SORCS1: variants seen among roughly 807,000 people sequenced by gnomAD.
The protein encoded by SORCS1 is VPS10 domain-containing receptor SorCS1.
Under a neutral mutation model 146.1 loss-of-function variants are expected in SORCS1, and 60 were observed. The observed-to-expected ratio is 0.41, with a 90% CI of 0.33 to 0.51. SORCS1 has a LOEUF of 0.51. SORCS1 is among the 20% of genes least tolerant of loss of function. The probability of loss-of-function intolerance (pLI) is 0.21; values close to 1 mark genes in which losing one functional copy is unlikely to be tolerated. For missense variants in SORCS1, 1,352 were observed against 1,487.6 expected (o/e 0.91, Z 1.50); for synonymous variants, 637 against 584.0 (o/e 1.09, Z -1.31).
At chr10:106,706,940 C>CA (rs1027941705) in intron 7 of SORCS1, among the ~76,000 whole-genome samples, 1 of 152,162 alleles carries the variant, frequency 6.6e-6, no homozygotes, top group African/African-American at 2.4e-5. Flanking sequence ...ATTGCCATCA[C>CA]CAGCCCAGGT....
At position 106,958,732 on chromosome 10, in the gene SORCS1, A is replaced by ACCTCATGC. The variant is rs1414154654; in HGVS notation, c.559-2153_559-2152insGCATGAGG. On this transcript the variant is annotated intron_variant, in intron 1 of 25. Coordinates refer to ENST00000263054, the MANE Select transcript of SORCS1 (RefSeq NM_052918.5). ...GTGAGGTGCGGGGCACCCCATGGACACATCAGATGGCATGCCTGTGGTGGG... is the reference window on the plus strand; with the variant it reads ...GTGAGGTGCGGGGCACCCCATGGACACCTCATGCCATCAGATGGCATGCCTGTGGTGGG... 2.5e-3 allele frequency among the ~76,000 whole-genome samples: 383 copies of ACCTCATGC among 152,286 alleles called. 2 individuals are homozygous for ACCTCATGC. The highest frequency in any genetic ancestry group is 8.8e-3 in the African/African-American group (365 of 41,554).
chr10:106,581,318 T>TAC (rs201071933), intron 24 of SORCS1, among the ~76,000 whole-genome samples: 3,424 of 125,720 alleles, frequency 0.027, 48 homozygotes, highest in Middle Eastern at 0.05. Context: ...TGAATCGTCA[T>TAC]ACATACACAC....
At chr10:106,769,712 A>G (rs1213094706) in intron 4 of SORCS1, among the ~76,000 whole-genome samples, 1 of 152,198 alleles carries the variant, frequency 6.6e-6, no homozygotes, top group Non-Finnish European at 1.5e-5. Flanking sequence ...GCTGTTCATC[A>G]CATTGGCAGT....
intron 1 of SORCS1, among the ~76,000 whole-genome samples, chr10:107,105,634 G>T (rs1167218385): frequency 1.3e-5 from 2 of 152,202 alleles, no homozygotes; most frequent in Admixed American, 1.3e-4. Context: ...GAAAGATGGA[G>T]GCCGGAAGAC....
At chr10:106,657,691 ATT>A (rs200250431) in intron 17 of SORCS1, among the ~76,000 whole-genome samples, 10,254 of 135,494 alleles carry the variant, frequency 0.076, 430 homozygotes, top group East Asian at 0.22. Flanking sequence ...GTGTGTGTGT[ATT>A]TTTTTCAAGA....
chr10:107,003,426 ATAAG>A (rs1187949923), intron 1 of SORCS1, among the ~76,000 whole-genome samples: 19 of 125,600 alleles, frequency 1.5e-4, no homozygotes, highest in African/African-American at 6.5e-4. Flanking sequence ...ATAAATTCCC[ATAAG>A]TGTGTGTGTG....
At chr10:106,870,683 C>T (rs969619748) in intron 2 of SORCS1, among the ~76,000 whole-genome samples, 1 of 152,120 alleles carries the variant, frequency 6.6e-6, no homozygotes, top group African/African-American at 2.4e-5. Context: ...ATATAAAAAT[C>T]AACTCGAGAT....
intron 22 of SORCS1, among the ~76,000 whole-genome samples, chr10:106,608,125 AT>A (rs927051963): frequency 2.0e-5 from 3 of 152,222 alleles, no homozygotes; most frequent in African/African-American, 7.2e-5. Context: ...CAGCAGTCCA[AT>A]TCTGATCATG....
At chr10:106,956,468 A>G (rs149060250) in intron 2 of SORCS1, 45 bp downstream of exon 2, 1 of 1,574,210 alleles carries the variant, frequency 6.4e-7, no homozygotes, top group East Asian at 2.2e-5. Context: ...AGCAGGCATC[A>G]TGCTTAAATA....
At chr10:106,769,084 G>A (rs193286363) in intron 4 of SORCS1, among the ~76,000 whole-genome samples, 14 of 152,302 alleles carry the variant, frequency 9.2e-5, no homozygotes, top group East Asian at 1.9e-4. Context: ...TTTTGAAAGC[G>A]CTGGCATCTA....
At chr10:106,761,072 A>C (rs1859071743) in intron 5 of SORCS1, among the ~76,000 whole-genome samples, 3 of 152,098 alleles carry the variant, frequency 2.0e-5, no homozygotes, top group Admixed American at 6.6e-5. Flanking sequence ...GCACCACTGC[A>C]CTGCAGCCTG....
At position 106,960,709 on chromosome 10, in the gene SORCS1, C is replaced by T. The variant is rs2016553; in HGVS notation, c.559-4129G>A. Among the ~76,000 whole-genome samples the T allele has an allele frequency of 1.3e-4, 20 of 152,252 alleles. No homozygotes were observed. In the South Asian group the frequency reaches 3.7e-3, roughly 28 times the overall value. ...AGCCACTGCGCCCAGCCAGTCCATA[C>T]TTAGAGAGAGGATGCCAGTGCCCAC... On this transcript the variant is annotated intron_variant, in intron 1 of 25. Transcript: ENST00000263054. This position sits in a 1 kb window ranked among gnomAD's most constrained non-coding sequence, Gnocchi z 4.4.
intron 1 of SORCS1, among the ~76,000 whole-genome samples, chr10:107,027,996 T>C (rs913352730): frequency 6.6e-6 from 1 of 152,206 alleles, no homozygotes; most frequent in Admixed American, 6.5e-5. Flanking sequence ...AATGAATGAA[T>C]GAGTTTTGGT....
chr10:107,077,781 C>A (rs1963009316), intron 1 of SORCS1, among the ~76,000 whole-genome samples: 1 of 151,824 alleles, frequency 6.6e-6, no homozygotes, highest in South Asian at 2.1e-4. Context: ...TTTGCTGCCT[C>A]CAGAAAATCT....
intron 1 of SORCS1, among the ~76,000 whole-genome samples, chr10:106,968,504 T>G (rs1261307562): frequency 6.6e-6 from 1 of 152,246 alleles, no homozygotes; most frequent in Non-Finnish European, 1.5e-5. Context: ...CTTTATATAT[T>G]TAGCTTCAAC....
intron 1 of SORCS1, among the ~76,000 whole-genome samples, chr10:107,065,284 C>A (rs140171780): frequency 1.3e-5 from 2 of 152,078 alleles, no homozygotes; most frequent in Non-Finnish European, 2.9e-5. Context: ...TGCACACACT[C>A]GGTATCCCTA....
At chr10:106,824,156 T>C (rs1948182601) in intron 3 of SORCS1, among the ~76,000 whole-genome samples, 1 of 150,578 alleles carries the variant, frequency 6.6e-6, no homozygotes, top group African/African-American at 2.5e-5. Context: ...GTACAAAAAT[T>C]AGTTGGGTGT....
At chr10:106,737,023 A>T (rs1856995599) in intron 5 of SORCS1, among the ~76,000 whole-genome samples, 1 of 151,700 alleles carries the variant, frequency 6.6e-6, no homozygotes, top group Non-Finnish European at 1.5e-5. Flanking sequence ...TATTTCTATG[A>T]TGTCTGCAGC....
At chr10:107,093,693 A>AC (rs1554947077) in intron 1 of SORCS1, among the ~76,000 whole-genome samples, 1 of 150,948 alleles carries the variant, frequency 6.6e-6, no homozygotes, top group Non-Finnish European at 1.5e-5. Flanking sequence ...AAAAAAAAAA[A>AC]CTGAGTCTTT....
Sources: allele counts gnomAD v4.1 joint callset (sites outside exome capture counted in the v4.1 genomes callset), GRCh38; gene constraint gnomAD v4.1.1; non-coding constraint Gnocchi (gnomAD v3.1); transcripts MANE v1.5; gene names NCBI Gene and HGNC (gene_info 2026-07-23, HGNC 2026-07-21).